Variants in WASF3 observed in about 807,000 individuals in gnomAD.
The protein encoded by WASF3 is WASP family member 3.
Under a neutral mutation model 46.6 loss-of-function variants are expected in WASF3, and 11 were observed. The ratio of observed to expected loss-of-function variants is 0.24; its 90% CI spans 0.15 to 0.39. The LOEUF is 0.39. WASF3 is among the 10% of genes least tolerant of loss of function. The pLI is 1.00. For missense variants in WASF3, 576 were observed against 669.8 expected (o/e 0.86, Z 1.55); for synonymous variants, 242 against 259.7 (o/e 0.93, Z 0.65).
chr13:26,612,750 A>G (rs17546237), intron 1 of WASF3, among the ~76,000 whole-genome samples: 8,733 of 152,154 alleles, frequency 0.057, 285 homozygotes, highest in South Asian at 0.1. Context: ...CCTTGAAGTT[A>G]ATTTCAGAGG....
upstream of WASF3, among the ~76,000 whole-genome samples, chr13:26,553,173 C>CTGT (rs1879006263): frequency 6.6e-6 from 1 of 152,188 alleles, no homozygotes; most frequent in Non-Finnish European, 1.5e-5. Context: ...GCTGCATGCA[C>CTGT]GGGATTTCAC....
At chr13:26,592,720 A>G (rs1880341775) in intron 1 of WASF3, among the ~76,000 whole-genome samples, 1 of 152,186 alleles carries the variant, frequency 6.6e-6, no homozygotes, top group South Asian at 2.1e-4. Context: ...TATACAATTC[A>G]GTGTATAATA....
intron 5 of WASF3, among the ~76,000 whole-genome samples, chr13:26,668,784 T>C (rs944833322): frequency 6.6e-6 from 1 of 152,218 alleles, no homozygotes; most frequent in Non-Finnish European, 1.5e-5. Flanking sequence ...TGCCACGCCT[T>C]TTTATGGAAA....
intron 3 of WASF3, among the ~76,000 whole-genome samples, chr13:26,655,902 C>A (rs964899368): frequency 6.6e-6 from 1 of 152,164 alleles, no homozygotes; most frequent in Non-Finnish European, 1.5e-5. Flanking sequence ...GTACCTTACT[C>A]TTTCTAGCAC....
chr13:26,562,630 T>C (rs1879327980), intron 1 of WASF3, among the ~76,000 whole-genome samples: 2 of 152,054 alleles, frequency 1.3e-5, no homozygotes, highest in South Asian at 4.2e-4. Flanking sequence ...CCATTGGAGT[T>C]AGCCCACTAG....
At chr13:26,551,420 G>T in the WASF3 span, among the ~76,000 whole-genome samples, 1 of 152,108 alleles carries the variant, frequency 6.6e-6, no homozygotes, top group Non-Finnish European at 1.5e-5. Flanking sequence ...TATTTAGATT[G>T]CTTGGATATT....
At chr13:26,573,738 T>C (rs1333268704) in intron 1 of WASF3, among the ~76,000 whole-genome samples, 1 of 152,224 alleles carries the variant, frequency 6.6e-6, no homozygotes. Context: ...AGAAGTATAG[T>C]TGAATTTTCA....
At chr13:26,643,736 A>G (rs1374793255) in intron 3 of WASF3, among the ~76,000 whole-genome samples, 2 of 152,224 alleles carry the variant, frequency 1.3e-5, no homozygotes, top group Non-Finnish European at 2.9e-5. Context: ...ATAAACTGTC[A>G]GAGTTTTAAT....
At chr13:26,598,147 T>C (rs1287101082) in intron 1 of WASF3, among the ~76,000 whole-genome samples, 1 of 152,190 alleles carries the variant, frequency 6.6e-6, no homozygotes, top group Non-Finnish European at 1.5e-5. Flanking sequence ...GTCTTTCTAA[T>C]GATCGCCATT....
intron 6 of WASF3, among the ~76,000 whole-genome samples, chr13:26,675,642 T>C (rs1883045073): frequency 1.2e-5 from 1 of 82,546 alleles, no homozygotes; most frequent in African/African-American, 5.6e-5. Flanking sequence ...TGAGCACAGA[T>C]GCCATGTCTG....
At chr13:26,594,228 C>T (rs1186530839) in intron 1 of WASF3, among the ~76,000 whole-genome samples, 1 of 152,106 alleles carries the variant, frequency 6.6e-6, no homozygotes, top group Non-Finnish European at 1.5e-5. Context: ...CTATTCTAGT[C>T]CTTCAGTTCC....
chr13:26,591,929 G>T (rs1389775191), intron 1 of WASF3, among the ~76,000 whole-genome samples: 1 of 152,076 alleles, frequency 6.6e-6, no homozygotes, highest in Non-Finnish European at 1.5e-5. Context: ...TCACTGTGGG[G>T]TGTTAATCCC....
At chr13:26,637,326 G>A (rs1881858802) in intron 2 of WASF3, among the ~76,000 whole-genome samples, 2 of 152,110 alleles carry the variant, frequency 1.3e-5, no homozygotes, top group South Asian at 2.1e-4. Flanking sequence ...AATATCATAG[G>A]CATTCATCTA....
chr13:26,622,357 C>G (rs978827054), intron 2 of WASF3, among the ~76,000 whole-genome samples: 1 of 152,144 alleles, frequency 6.6e-6, no homozygotes, highest in Admixed American at 6.6e-5. Context: ...CCAGTAATAT[C>G]GTTTTAAAAT....
intron 8 of WASF3, among the ~76,000 whole-genome samples, chr13:26,681,979 A>G (rs1883245831): frequency 6.6e-6 from 1 of 152,168 alleles, no homozygotes; most frequent in Non-Finnish European, 1.5e-5. Context: ...CCCTGTCTGA[A>G]TGACAATCCT....
intron 1 of WASF3, among the ~76,000 whole-genome samples, chr13:26,562,069 T>G (rs2137138740): frequency 6.6e-6 from 1 of 152,368 alleles, no homozygotes; most frequent in Middle Eastern, 3.4e-3. Context: ...AAGCATTTGT[T>G]TTGGCCTGAG....
At chr13:26,657,448 C>T (rs568038359) in intron 3 of WASF3, among the ~76,000 whole-genome samples, 1 of 152,324 alleles carries the variant, frequency 6.6e-6, no homozygotes, top group East Asian at 1.9e-4. Context: ...GCCGCCATCA[C>T]TTATATATAA....
upstream of WASF3, chr13:26,557,632 C>A (rs1165372116): frequency 1.9e-5 from 3 of 157,654 alleles, no homozygotes; most frequent in South Asian, 4.1e-4. Flanking sequence ...CACTGAGCCC[C>A]CCTCCTGCTC....
chr13:26,551,591 A>G, the WASF3 span, among the ~76,000 whole-genome samples: 16 of 152,306 alleles, frequency 1.1e-4, no homozygotes, highest in East Asian at 2.9e-3. Flanking sequence ...CAATAAAGCC[A>G]TGTGAAGGAG....
Sources: allele counts gnomAD v4.1 joint callset (sites outside exome capture counted in the v4.1 genomes callset), GRCh38; gene constraint gnomAD v4.1.1; transcripts MANE v1.5; gene names NCBI Gene and HGNC (gene_info 2026-07-23, HGNC 2026-07-21).